Variants in L2HGDH observed in about 807,000 individuals in gnomAD.
The protein encoded by L2HGDH is L-2-hydroxyglutarate dehydrogenase.
L2HGDH carries 34 observed loss-of-function variants against 51.5 expected under a neutral mutation model. The ratio of observed to expected loss-of-function variants is 0.66; its 90% CI spans 0.50 to 0.88. The LOEUF (loss-of-function observed/expected upper bound fraction) is 0.88, where lower values mean the gene tolerates loss of function less well. Among genes scored for constraint, L2HGDH ranks in the 40% least tolerant of loss-of-function variants. L2HGDH has a pLI of 0.00. For missense variants in L2HGDH, 558 were observed against 571.9 expected (o/e 0.98, Z 0.25); for synonymous variants, 198 against 197.9 (o/e 1.00, Z -0.01).
At chr14:50,269,128 GA>G (rs367714984) in intron 7 of L2HGDH, 34 bp downstream of exon 7, 3 of 1,562,386 alleles carry the variant, frequency 1.9e-6, no homozygotes, top group Admixed American at 1.7e-5. Flanking sequence ...CCACCTGCTT[GA>G]AAAAAATGAG....
intron 1 of L2HGDH, among the ~76,000 whole-genome samples, chr14:50,311,115 T>G (rs1045134296): frequency 9.2e-5 from 14 of 152,096 alleles, no homozygotes; most frequent in Admixed American, 3.9e-4. Context: ...AATTTTTTTG[T>G]ATTTTTAGTA....
chr14:50,301,977 C>A, intron 3 of L2HGDH, 40 bp downstream of exon 3: 2 of 1,603,180 alleles, frequency 1.2e-6, no homozygotes, highest in Admixed American at 3.3e-5. Flanking sequence ...TAAGCAAATG[C>A]TAGTTGGAAA....
rs762866094 is a variant in L2HGDH, at chr14:50,312,137, A to T, written c.14T>A (p.Leu5Gln). Residue 5 changes from leucine to glutamine, a missense_variant, in exon 1 of 10, where the codon CTG becomes CAG. By Grantham distance (113) the Leu-to-Gln change is moderately radical. Around this residue, in one of 3 missense-constraint regions of L2HGDH, gnomAD observed 194 missense variants for 187.2 expected, o/e 1.04. Coordinates refer to ENST00000267436, the MANE Select transcript of L2HGDH (RefSeq NM_024884.3). Reference sequence around the variant, plus strand: ...TCCGCAGGCACCAACCAAATAACGCAGCGCTGGCACCATCCCCTACGCACG... The same window carrying T: ...TCCGCAGGCACCAACCAAATAACGCTGCGCTGGCACCATCCCCTACGCACG... MVPALRYLVGACGRA... is the reference protein window; with the variant it reads MVPAQRYLVGACGRA... 1 of 1,610,554 alleles carries T rather than the reference A, an allele frequency of 6.2e-7. No individual in the cohort carries two copies. The highest frequency in any genetic ancestry group is 8.5e-7 in the Non-Finnish European group (1 of 1,179,250).
chr14:50,267,556 ATTT>A (rs112225106), intron 8 of L2HGDH, among the ~76,000 whole-genome samples, 194 bp downstream of exon 8: 1 of 150,084 alleles, frequency 6.7e-6, no homozygotes. Context: ...TCCAAAAGGC[ATTT>A]TTTTTTTTGT....
At position 50,290,965 on chromosome 14, in the gene L2HGDH, C is replaced by T. The variant is rs778292914; in HGVS notation, c.540+3150G>A. On this transcript the variant is annotated intron_variant, in intron 4 of 9. Transcript: ENST00000267436. ...CTATAATCCCAGCACTTTGGGAGGCCGAGGTGGGCGGATCACAAGGTCAGG... is the reference window on the plus strand; with the variant it reads ...CTATAATCCCAGCACTTTGGGAGGCTGAGGTGGGCGGATCACAAGGTCAGG... Among the ~76,000 whole-genome samples, 15 of 152,050 alleles carry T rather than the reference C, an allele frequency of 9.9e-5. No homozygotes were observed. In the East Asian group the frequency reaches 2.5e-3, roughly 25 times the overall value.
intron 1 of L2HGDH, among the ~76,000 whole-genome samples, chr14:50,303,880 C>T (rs541624766): frequency 1.4e-5 from 2 of 144,744 alleles, no homozygotes; most frequent in Admixed American, 1.4e-4. Context: ...CTACAGCTTA[C>T]TGGCAGGCAG....
intron 3 of L2HGDH, among the ~76,000 whole-genome samples, chr14:50,297,508 C>A (rs2030130259): frequency 6.6e-6 from 1 of 151,998 alleles, no homozygotes; most frequent in Admixed American, 6.6e-5. Flanking sequence ...AGTAGGAAAA[C>A]AATTCTCCTC....
intron 9 of L2HGDH, among the ~76,000 whole-genome samples, chr14:50,250,985 A>G (rs1040665542): frequency 1.3e-5 from 2 of 152,228 alleles, no homozygotes; most frequent in Non-Finnish European, 2.9e-5. Flanking sequence ...ACTAGCATCA[A>G]CACCATCCAG....
intron 3 of L2HGDH, among the ~76,000 whole-genome samples, chr14:50,298,103 G>A (rs2030179222): frequency 6.6e-6 from 1 of 151,942 alleles, no homozygotes; most frequent in Non-Finnish European, 1.5e-5. Flanking sequence ...AATTAGCCAG[G>A]CATGGTGGCG....
At chr14:50,284,100 T>C in intron 4 of L2HGDH, 67 bp from the exon 5 acceptor site, 4 of 1,486,878 alleles carry the variant, frequency 2.7e-6, no homozygotes, top group Non-Finnish European at 3.7e-6. Context: ...AAAATCTCTA[T>C]AATCAAGAAA....
At chr14:50,276,106 G>A (rs1268967112) in intron 6 of L2HGDH, among the ~76,000 whole-genome samples, 1 of 152,172 alleles carries the variant, frequency 6.6e-6, no homozygotes, top group East Asian at 1.9e-4. Context: ...GAATATGCCT[G>A]GAATACACAT....
At chr14:50,277,786 T>C (rs1335572184) in intron 6 of L2HGDH, among the ~76,000 whole-genome samples, 1 of 86,996 alleles carries the variant, frequency 1.1e-5, no homozygotes, top group Non-Finnish European at 2.6e-5. Flanking sequence ...ATAATAATAA[T>C]AATAATAATA....
chr14:50,265,815 G>A (rs1277103276), intron 8 of L2HGDH, among the ~76,000 whole-genome samples: 1 of 152,216 alleles, frequency 6.6e-6, no homozygotes, highest in Non-Finnish European at 1.5e-5. Flanking sequence ...TCAAGAGGCT[G>A]AGGCAGGAGA....
chr14:50,310,852 CT>C (rs2031081957), intron 1 of L2HGDH, among the ~76,000 whole-genome samples: 1 of 152,080 alleles, frequency 6.6e-6, no homozygotes, highest in South Asian at 2.1e-4. Context: ...TCTACTCCCC[CT>C]ATCCACCAAC....
At chr14:50,255,537 C>CAAAAAAAAAAAA (rs371804551) in intron 9 of L2HGDH, among the ~76,000 whole-genome samples, 3 of 114,756 alleles carry the variant, frequency 2.6e-5, no homozygotes, top group Admixed American at 9.7e-5. Context: ...ACTCCATCTC[C>CAAAAAAAAAAAA]AAAAAAAAAA....
chr14:50,284,950 A>C (rs1890485782), intron 4 of L2HGDH, among the ~76,000 whole-genome samples: 1 of 152,190 alleles, frequency 6.6e-6, no homozygotes, highest in South Asian at 2.1e-4. Flanking sequence ...TGGCCCTTAG[A>C]AGATTTTCAT....
chr14:50,310,013 T>C (rs1266493379), intron 1 of L2HGDH, among the ~76,000 whole-genome samples: 3 of 151,996 alleles, frequency 2.0e-5, no homozygotes, highest in Admixed American at 6.6e-5. Flanking sequence ...ATATCTTAAT[T>C]GAGGTGGTAG....
intron 4 of L2HGDH, among the ~76,000 whole-genome samples, chr14:50,291,422 G>C (rs571321956): frequency 4.6e-5 from 7 of 152,176 alleles, no homozygotes; most frequent in African/African-American, 1.4e-4. Context: ...ATCTCAGAGA[G>C]ATAAGAAATA....
chr14:50,307,353 C>G (rs574523522), intron 1 of L2HGDH, among the ~76,000 whole-genome samples: 2 of 152,338 alleles, frequency 1.3e-5, no homozygotes, highest in African/African-American at 4.8e-5. Flanking sequence ...ACTGTTTTAT[C>G]CAGTGACACA....
Sources: gnomAD v4.1 joint callset for allele counts (sites outside exome capture counted in the v4.1 genomes callset) on GRCh38, gnomAD v4.1.1 for gene constraint, gnomAD v4.1.1 regional missense constraint, MANE v1.5 for transcripts, NCBI Gene and HGNC (gene_info 2026-07-23, HGNC 2026-07-21) for gene names.